Variants in SLC15A1 observed in about 807,000 individuals in gnomAD.
SLC15A1 encodes the protein solute carrier family 15 member 1, also known as Caco-2 oligopeptide transporter.
SLC15A1 carries 83 observed loss-of-function variants against 92.9 expected under a neutral mutation model. The ratio of observed to expected loss-of-function variants is 0.89; its 90% CI spans 0.75 to 1.07. The LOEUF is 1.07. SLC15A1 is among the 50% of genes least tolerant of loss of function. The probability of loss-of-function intolerance (pLI) is 0.00; values close to 1 mark genes in which losing one functional copy is unlikely to be tolerated. For synonymous variants in SLC15A1, 322 were observed against 318.2 expected (o/e 1.01, Z -0.13); for missense variants, 857 against 880.1 (o/e 0.97, Z 0.33).
At chr13:98,713,794 C>A (rs1050940633) in intron 9 of SLC15A1, among the ~76,000 whole-genome samples, 1 of 152,170 alleles carries the variant, frequency 6.6e-6, no homozygotes, top group Non-Finnish European at 1.5e-5. Context: ...CACCTGTAAT[C>A]CCAGCACTTC....
intron 1 of SLC15A1, among the ~76,000 whole-genome samples, chr13:98,737,384 C>T (rs2088403255): frequency 6.6e-6 from 1 of 152,114 alleles, no homozygotes; most frequent in African/African-American, 2.4e-5. Context: ...AGGAGAAATA[C>T]CTAATGTAAA....
At chr13:98,696,440 A>C (rs573321567) in intron 18 of SLC15A1, among the ~76,000 whole-genome samples, 3 of 151,852 alleles carry the variant, frequency 2.0e-5, no homozygotes, top group East Asian at 1.9e-4. Flanking sequence ...ACAAAAAAAA[A>C]CCCAACAACA....
chr13:98,721,791 C>G lies in SLC15A1; in HGVS notation c.465+13G>C, dbSNP rs538686728. Reference sequence around the variant, plus strand: ...TTCATTCACGTGGGCTCTGGGGAGGCCCCTACCCTTACCTGGCCCTCTTCA... The same window carrying G: ...TTCATTCACGTGGGCTCTGGGGAGGGCCCTACCCTTACCTGGCCCTCTTCA... On this transcript the variant is annotated intron_variant, in intron 6 of 22. Transcript: ENST00000376503. 147 of 1,611,712 alleles carry G rather than the reference C, an allele frequency of 9.1e-5. No individual in the cohort carries two copies. The highest frequency in any genetic ancestry group is 5.0e-4 in the Middle Eastern group (3 of 6,044).
chr13:98,700,443 C>T (rs1416413527), intron 18 of SLC15A1, among the ~76,000 whole-genome samples: 3 of 122,072 alleles, frequency 2.5e-5, no homozygotes, highest in Non-Finnish European at 4.7e-5. Context: ...TGTGACTACA[C>T]CACTGCATTC....
At chr13:98,738,542 G>GC (rs2088413496) in intron 1 of SLC15A1, among the ~76,000 whole-genome samples, 1 of 152,264 alleles carries the variant, frequency 6.6e-6, no homozygotes, top group Non-Finnish European at 1.5e-5. Flanking sequence ...GGCTCAAAGG[G>GC]CCCAAGATAC....
intron 9 of SLC15A1, among the ~76,000 whole-genome samples, 191 bp downstream of exon 9, chr13:98,715,687 C>T (rs1032278473): frequency 1.3e-5 from 2 of 152,190 alleles, no homozygotes; most frequent in Non-Finnish European, 2.9e-5. Context: ...GCTCAAGAGC[C>T]ATTTCTATTC....
chr13:98,732,017 G>T (rs1486521632), intron 1 of SLC15A1, among the ~76,000 whole-genome samples: 1 of 152,198 alleles, frequency 6.6e-6, no homozygotes, highest in Non-Finnish European at 1.5e-5. Context: ...TATCTACTGG[G>T]TGTAACACTG....
At position 98,708,734 on chromosome 13, in the gene SLC15A1, C is replaced by T; in HGVS notation, c.1101G>A (p.Leu367=). 6.2e-7 allele frequency: 1 copy of T among 1,612,980 alleles called. No individual in the cohort carries two copies. Among genetic ancestry groups the T allele is most frequent in the Non-Finnish European group, 8.5e-7 (1 of 1,179,664 alleles). The change falls in exon 15 of 23, where the codon CTG becomes CTA. Residue 367 remains leucine, a synonymous_variant. Transcript: ENST00000376503. ...SLKKMAVGMV[L]ASMAFVVAAI... ...CAGCCACCACAAAGGCCATGGAGGC[C>T]AGGACCATGCCAACTGCCATCTTCT...
At chr13:98,727,902 A>G (rs2088316050) in intron 1 of SLC15A1, among the ~76,000 whole-genome samples, 1 of 152,130 alleles carries the variant, frequency 6.6e-6, no homozygotes, top group Non-Finnish European at 1.5e-5. Context: ...GGAATCGGTG[A>G]CCCCATAGCA....
chr13:98,729,310 G>C (rs192305301), intron 1 of SLC15A1, among the ~76,000 whole-genome samples: 1 of 152,206 alleles, frequency 6.6e-6, no homozygotes, highest in East Asian at 1.9e-4. Flanking sequence ...CCAGTGTTTC[G>C]AGCAGCAGCA....
chr13:98,718,049 G>T (rs2088224593), intron 8 of SLC15A1, among the ~76,000 whole-genome samples: 1 of 151,876 alleles, frequency 6.6e-6, no homozygotes, highest in Non-Finnish European at 1.5e-5. Context: ...CATATGGGGG[G>T]CGGGGGGAGG....
chr13:98,702,528 A>G lies in SLC15A1; in HGVS notation c.1418T>C (p.Val473Ala). Residue 473 changes from valine (V) to alanine (A), a missense_variant and splice_region_variant, in exon 18 of 23, where the codon GTA becomes GCA. Transcript: ENST00000376503. Reference protein sequence around the residue: ...LVWAPNHYQVVKDGLNQKPEK... With the variant: ...LVWAPNHYQVAKDGLNQKPEK... ...TGGCTTCTGGTTAAGACCATCCTTT[A>G]CCTGAGAGAGAAAACAGTAATGTAA... The G allele has an allele frequency of 6.2e-7, 1 of 1,600,710 alleles. No homozygotes were observed. The highest frequency in any genetic ancestry group is 1.7e-5 in the Admixed American group (1 of 59,920).
intron 4 of SLC15A1, among the ~76,000 whole-genome samples, 173 bp from the exon 5 acceptor site, chr13:98,724,204 G>T (rs2088281449): frequency 6.6e-6 from 1 of 152,162 alleles, no homozygotes; most frequent in Non-Finnish European, 1.5e-5. Context: ...TGGGCAAAAA[G>T]AATAGAACAA....
Position 98,688,538 on chromosome 13 carries a change from C to T in SLC15A1, c.1506G>A (p.Met502Ile), listed in dbSNP as rs1350322113. Residue 502 changes from methionine (M) to isoleucine (I), a missense_variant, in exon 19 of 23, where the codon ATG (methionine) becomes ATA (isoleucine). Transcript: ENST00000376503. ...NTFNELITIT[M>I]SGKVYANISS... Reference sequence around the variant, plus strand: ...TGATGTTTGCATAAACTTTCCCACTCATTGTGATGGTGATGAGCTCGTTAA... The same window carrying T: ...TGATGTTTGCATAAACTTTCCCACTTATTGTGATGGTGATGAGCTCGTTAA... The T allele has an allele frequency of 5.0e-6, 8 of 1,613,908 alleles. No homozygotes were observed. The highest frequency in any genetic ancestry group is 5.9e-6 in the Non-Finnish European group (7 of 1,179,978).
Position 98,729,840 on chromosome 13 carries a change from T to G in SLC15A1, c.5-2981A>C, listed in dbSNP as rs2088332742. 3.9e-5 allele frequency among the ~76,000 whole-genome samples: 6 copies of G among 152,280 alleles called. No individual in the cohort carries two copies. The South Asian group carries it at 1.2e-3, about 32-fold the overall frequency. ...GGCAGGCGCCTTCCCTCCTGATCTG[T>G]CAGCCTGTGCTGGTGTTATTTCCAC... On this transcript the variant is annotated intron_variant, in intron 1 of 22. Coordinates refer to ENST00000376503, the MANE Select transcript of SLC15A1 (RefSeq NM_005073.4).
intron 1 of SLC15A1, among the ~76,000 whole-genome samples, chr13:98,742,491 G>T (rs1311044195): frequency 6.6e-6 from 1 of 152,198 alleles, no homozygotes; most frequent in East Asian, 1.9e-4. Context: ...GTAGGAGTTT[G>T]CCAGGGCTGT....
chr13:98,687,141 T>G (rs112854096), intron 21 of SLC15A1, among the ~76,000 whole-genome samples: 25 of 152,160 alleles, frequency 1.6e-4, no homozygotes, highest in African/African-American at 6.0e-4. Flanking sequence ...TTTTTAATTT[T>G]TAAAGCTAGA....
At chr13:98,743,355 T>A (rs1260285556) in intron 1 of SLC15A1, among the ~76,000 whole-genome samples, 3 of 152,230 alleles carry the variant, frequency 2.0e-5, no homozygotes, top group Non-Finnish European at 4.4e-5. Flanking sequence ...AGGCCTGAAA[T>A]GACCAACCTC....
chr13:98,704,852 T>C (rs1034936453), intron 16 of SLC15A1, among the ~76,000 whole-genome samples: 6 of 152,144 alleles, frequency 3.9e-5, no homozygotes, highest in African/African-American at 1.4e-4. Flanking sequence ...AGGTCTAAGG[T>C]TGTGGTGCTC....
Sources: gnomAD v4.1 joint callset for allele counts (sites outside exome capture counted in the v4.1 genomes callset) on GRCh38, gnomAD v4.1.1 for gene constraint, MANE v1.5 for transcripts, NCBI Gene and HGNC (gene_info 2026-07-23, HGNC 2026-07-21) for gene names.